Variants in PAQR5 observed in about 807,000 individuals in gnomAD.
PAQR5 encodes the protein membrane progestin receptor gamma.
A neutral mutation model predicts 34.5 loss-of-function variants in PAQR5; 20 were observed. That is an observed-to-expected ratio of 0.58 (90% confidence interval 0.41 to 0.84). PAQR5 has a LOEUF of 0.84. PAQR5 is among the 40% of genes least tolerant of loss of function. PAQR5 has a pLI of 0.00. For synonymous variants in PAQR5, 131 were observed against 155.6 expected, an observed-to-expected ratio of 0.84 and a Z score of 1.18; for missense variants, 378 against 412.7, an observed-to-expected ratio of 0.92 and a Z score of 0.73.
At chr15:69,378,990 A>G (rs1331901947) in intron 3 of PAQR5, among the ~76,000 whole-genome samples, 2 of 152,182 alleles carry the variant, frequency 1.3e-5, no homozygotes, top group East Asian at 3.8e-4. Context: ...CAGAAGGGGA[A>G]AACAGGTCTC....
At chr15:69,400,606 G>C (rs1386261582) in intron 8 of PAQR5, among the ~76,000 whole-genome samples, 1 of 152,152 alleles carries the variant, frequency 6.6e-6, no homozygotes, top group Non-Finnish European at 1.5e-5. Context: ...GTTTGAGCCT[G>C]GAAGGTTGAG....
At chr15:69,379,629 A>C in intron 3 of PAQR5, 1 of 975,472 alleles carries the variant, frequency 1.0e-6, no homozygotes. Flanking sequence ...CGGGGAATGC[A>C]AAGACAGGCT....
At position 69,386,177 on chromosome 15, in the gene PAQR5, G is replaced by A. The variant is rs536965265; in HGVS notation, c.385+1295G>A. On this transcript the variant is annotated intron_variant, in intron 5 of 8. Coordinates refer to ENST00000395407, the MANE Select transcript of PAQR5 (RefSeq NM_017705.4). ...CATACACACTCACATGCTCATATAC[G>A]CACACATACTCTCAGACACTACACA... is the stretch of plus-strand genomic sequence containing the variant. 6.1e-5 allele frequency among the ~76,000 whole-genome samples: 9 copies of A among 148,392 alleles called. No individual in the cohort carries two copies. In the East Asian group the frequency reaches 1.2e-3, roughly 20 times the overall value.
chr15:69,374,835 CA>C (rs1272224729), intron 3 of PAQR5, among the ~76,000 whole-genome samples: 3 of 152,168 alleles, frequency 2.0e-5, no homozygotes, highest in African/African-American at 7.2e-5. Flanking sequence ...CTCTTACATA[CA>C]AGGAACTTCC....
At position 69,382,702 on chromosome 15, in the gene PAQR5, ATATG is replaced by A. The variant is rs1334818964; in HGVS notation, c.180-1963_180-1960del. 9.5e-4 allele frequency among the ~76,000 whole-genome samples: 106 copies of A among 111,364 alleles called. 3 individuals carry two copies. In the East Asian group the frequency reaches 0.013, roughly 14 times the overall value. 73.1% of individuals were successfully genotyped at this position (111,364 alleles called of 152,430 possible). ...TATATATATATATATATATATATAT[ATATG>A]TATGTATGTATATATGTATGTATAT... On this transcript the variant is annotated intron_variant, in intron 4 of 8. Transcript: ENST00000395407.
chr15:69,308,603 C>T (rs941239642), intron 1 of PAQR5, among the ~76,000 whole-genome samples: 7 of 152,100 alleles, frequency 4.6e-5, no homozygotes, highest in African/African-American at 1.7e-4. Context: ...GCCAAATGTC[C>T]ACTGGGGAGC....
In PAQR5 at chr15:69,367,103, T is replaced by A. The variant is rs76985107; in HGVS notation, c.51+6972T>A. Among the ~76,000 whole-genome samples, 51 of 152,320 alleles carry A rather than the reference T, an allele frequency of 3.3e-4. 1 individual carries two copies. In the East Asian group the frequency reaches 9.4e-3, roughly 28 times the overall value. On this transcript the variant is annotated intron_variant, in intron 3 of 8. Coordinates refer to ENST00000395407, the MANE Select transcript of PAQR5 (RefSeq NM_017705.4). ...TGTGTAAACAGCACATGGTGAGATT[T>A]TATTAGTTTGACAATATTTGTTTTT...
chr15:69,372,344 G>A (rs993649595), intron 3 of PAQR5, among the ~76,000 whole-genome samples: 2 of 152,054 alleles, frequency 1.3e-5, no homozygotes, highest in South Asian at 2.1e-4. Context: ...AGGAGTTCAA[G>A]ACCAGCCTGG....
At chr15:69,312,345 C>T (rs1183049272) in intron 1 of PAQR5, among the ~76,000 whole-genome samples, 2 of 151,900 alleles carry the variant, frequency 1.3e-5, no homozygotes, top group African/African-American at 4.8e-5. Context: ...CTTGAAGGTG[C>T]CTATGATGAA....
intron 1 of PAQR5, among the ~76,000 whole-genome samples, chr15:69,335,646 T>G (rs1353387529): frequency 6.9e-6 from 1 of 144,492 alleles, no homozygotes; most frequent in Non-Finnish European, 1.5e-5. Context: ...GCCTCCCAGG[T>G]TCAAGCCATT....
At chr15:69,378,264 T>TAAAAAAAAAAAAA (rs71149912) in intron 3 of PAQR5, among the ~76,000 whole-genome samples, 3 of 59,692 alleles carry the variant, frequency 5.0e-5, no homozygotes, top group African/African-American at 1.7e-4. Flanking sequence ...GACTCCATCT[T>TAAAAAAAAAAAAA]AAAAAAAAAA....
chr15:69,398,571 G>C (rs2056526615), intron 7 of PAQR5, among the ~76,000 whole-genome samples: 1 of 152,174 alleles, frequency 6.6e-6, no homozygotes, highest in African/African-American at 2.4e-5. Flanking sequence ...AGATGGCAGG[G>C]CTGAGGGACA....
intron 2 of PAQR5, among the ~76,000 whole-genome samples, chr15:69,345,644 G>A (rs2054750419): frequency 1.3e-5 from 2 of 152,178 alleles, no homozygotes; most frequent in Non-Finnish European, 2.9e-5. Flanking sequence ...GGGGAACTCA[G>A]CATGTCCTGG....
intron 8 of PAQR5, among the ~76,000 whole-genome samples, chr15:69,401,444 AAGG>A (rs1278974485): frequency 1.3e-5 from 2 of 152,170 alleles, no homozygotes; most frequent in African/African-American, 4.8e-5. Flanking sequence ...GATTTCCAAA[AAGG>A]AGGAAAAGGA....
chr15:69,324,898 CTTTT>C (rs11355683), intron 1 of PAQR5, among the ~76,000 whole-genome samples: 2 of 136,752 alleles, frequency 1.5e-5, no homozygotes, highest in Non-Finnish European at 1.6e-5. Context: ...AGTTTCATTT[CTTTT>C]TTTTTTTTTT....
intron 1 of PAQR5, among the ~76,000 whole-genome samples, chr15:69,331,792 T>G (rs1447380058): frequency 6.6e-6 from 1 of 152,248 alleles, no homozygotes; most frequent in African/African-American, 2.4e-5. Flanking sequence ...GACTAATGTC[T>G]GTTCTGTTGT....
rs1045026339 is a variant in PAQR5, at chr15:69,384,709, A to G, written c.212A>G (p.Tyr71Cys). 2 of 1,613,950 alleles carry G rather than the reference A, an allele frequency of 1.2e-6. No individual in the cohort carries two copies. The stretch of plus-strand genomic sequence containing the variant: ...GCATGGAGGTTTGTGACTGCACTGT[A>G]TATGACAGACATCAAGAATGACAGC... ...FFAWRFVTAL[Y>C]MTDIKNDSYS... is the part of the protein sequence containing the mutation. The change falls in exon 5 of 9, where the codon TAT becomes TGT. Residue 71 changes from tyrosine to cysteine, a missense_variant. By Grantham distance (194) the Tyr-to-Cys change is radical. Coordinates refer to ENST00000395407, the MANE Select transcript of PAQR5 (RefSeq NM_017705.4).
chr15:69,337,945 T>C (rs2054549120), intron 2 of PAQR5, among the ~76,000 whole-genome samples: 1 of 152,056 alleles, frequency 6.6e-6, no homozygotes, highest in Non-Finnish European at 1.5e-5. Flanking sequence ...GGTGTAGTGG[T>C]GTGCACCTGT....
Position 69,407,022 on chromosome 15 carries a change from A to G in PAQR5, c.*3200A>G, listed in dbSNP as rs1230586539. Reference sequence around the variant, plus strand: ...TGCCCCGCCCAGTAGAAACTTGCTCATATGAGAGGTTCTGAGGTAGGTGCG... The same window carrying G: ...TGCCCCGCCCAGTAGAAACTTGCTCGTATGAGAGGTTCTGAGGTAGGTGCG... On this transcript the variant is annotated 3_prime_UTR_variant, in exon 9 of 9. Coordinates refer to ENST00000395407, the MANE Select transcript of PAQR5 (RefSeq NM_017705.4). 4 of 152,496 alleles carry G rather than the reference A, an allele frequency of 2.6e-5. No homozygotes were observed. The highest frequency in any genetic ancestry group is 9.6e-5 in the African/African-American group (4 of 41,568). The allele number at this position is 152,496 out of a possible 1,614,324, so 9.4% of individuals were successfully genotyped here.
Sources: allele counts gnomAD v4.1 joint callset (sites outside exome capture counted in the v4.1 genomes callset), GRCh38; gene constraint gnomAD v4.1.1; transcripts MANE v1.5; gene names NCBI Gene and HGNC (gene_info 2026-07-23, HGNC 2026-07-21).